The following TBX3 variants were observed in gnomAD, a reference collection of about 807,000 sequenced individuals.
TBX3 encodes the protein T-box transcription factor 3.
In TBX3, 11 loss-of-function variants were observed where a neutral mutation model predicts 47.8. The observed-to-expected ratio is 0.23, with a 90% confidence interval of 0.14 to 0.38. TBX3 has a LOEUF of 0.38. Ranked by LOEUF, TBX3 falls within the 10% of genes least tolerant of loss-of-function variation. TBX3 has a pLI of 1.00. For missense variants in TBX3, 927 were observed against 1,022.8 expected (o/e 0.91, Z 1.28); for synonymous variants, 500 against 449.3 (o/e 1.11, Z -1.43).
At chr12:114,677,237 T>C (rs527718637) in intron 4 of TBX3, among the ~76,000 whole-genome samples, 3 of 152,310 alleles carry the variant, frequency 2.0e-5, no homozygotes, top group Non-Finnish European at 2.9e-5. Flanking sequence ...TTGCAAAAAT[T>C]CCCAAGTATT....
At chr12:114,672,649 ATATGCTGCACACAGTG>A (rs1868502042) in intron 6 of TBX3, among the ~76,000 whole-genome samples, 2 of 152,068 alleles carry the variant, frequency 1.3e-5, no homozygotes, top group African/African-American at 4.8e-5. Context: ...AAAGCCTGCA[ATATGCTGCACACAGTG>A]TGTGCAGCCC....
At chr12:114,675,365 C>T (rs1028414103) in intron 5 of TBX3, among the ~76,000 whole-genome samples, 6 of 152,180 alleles carry the variant, frequency 3.9e-5, no homozygotes, top group African/African-American at 1.4e-4. Flanking sequence ...TTGATAATGG[C>T]AGAACGGACA....
intron 3 of TBX3, among the ~76,000 whole-genome samples, chr12:114,678,436 G>A (rs181466274): frequency 7.2e-5 from 11 of 152,286 alleles, no homozygotes; most frequent in Non-Finnish European, 1.5e-4. Context: ...TATATACACA[G>A]AGTTACTCAG....
chr12:114,673,889 AAAGT>A (rs1310585356), intron 6 of TBX3, among the ~76,000 whole-genome samples: 1 of 152,226 alleles, frequency 6.6e-6, no homozygotes, highest in South Asian at 2.1e-4. Context: ...AGAATGCCTG[AAAGT>A]AAGTGCTGTG....
In TBX3 at chr12:114,682,874, A is replaced by G; in HGVS notation, c.327T>C (p.Ala109=). The G allele has an allele frequency of 6.2e-7, 1 of 1,614,206 alleles. No individual in the cohort carries two copies. Among genetic ancestry groups the G allele is most frequent in the Non-Finnish European group, 8.5e-7 (1 of 1,180,022 alleles). ...TGTGAAACTGATCCCAAAGTTCTTT[A>G]GCCTCCAGGTGCACCTTGGGGTCGT... ...VEDDPKVHLE[A]KELWDQFHKR... Residue 109 remains alanine, a synonymous_variant, in exon 1 of 7, where the codon GCT becomes GCC. Coordinates refer to ENST00000349155, the MANE Select transcript of TBX3 (RefSeq NM_005996.4).
At chr12:114,681,427 AT>A (rs1004398646) in intron 1 of TBX3, among the ~76,000 whole-genome samples, 1 of 150,000 alleles carries the variant, frequency 6.7e-6, no homozygotes, top group South Asian at 2.1e-4. Flanking sequence ...TTTCTTCAAT[AT>A]TTTTTTTGTC....
At position 114,671,419 on chromosome 12, in the gene TBX3, G is replaced by A. The variant is rs1868416044; in HGVS notation, c.*422C>T. The stretch of plus-strand genomic sequence containing the variant: ...TCATGTTAATGTGTTCACTTGTCCC[G>A]ATTTTTTTTTTGAAAGATTTTGTTT... On this transcript the variant is annotated 3_prime_UTR_variant, in exon 7 of 7. Coordinates refer to ENST00000349155, the MANE Select transcript of TBX3 (RefSeq NM_005996.4). 3.4e-6 allele frequency: 1 copy of A among 295,688 alleles called. No homozygotes were observed. Among genetic ancestry groups the A allele is most frequent in the Admixed American group, 4.6e-5 (1 of 21,616 alleles). The allele number at this position is 295,688 out of a possible 1,614,324, so 18.3% of individuals were successfully genotyped here.
chr12:114,673,494 G>A (rs1274408453), intron 6 of TBX3, among the ~76,000 whole-genome samples: 1 of 152,110 alleles, frequency 6.6e-6, no homozygotes, highest in East Asian at 1.9e-4. Flanking sequence ...TTAACCCTTC[G>A]AGGAATAGGC....
At position 114,674,801 on chromosome 12, in the gene TBX3, C is replaced by CTCGGCG; in HGVS notation, c.1068_1073dup (p.Asp356_Ala357dup). The CTCGGCG allele has an allele frequency of 6.3e-7, 1 of 1,579,496 alleles. No individual in the cohort carries two copies. Among genetic ancestry groups the CTCGGCG allele is most frequent in the Non-Finnish European group, 8.6e-7 (1 of 1,168,558 alleles). On this transcript the variant is annotated inframe_insertion, in exon 6 of 7. Transcript: ENST00000349155. ...GGCCATGCTCCTCTTTGCTCTCGGCCTCGGCGTCGCTCTCACCCTCGCTGG... is the reference window on the plus strand; with the variant it reads ...GGCCATGCTCCTCTTTGCTCTCGGCCTCGGCGTCGGCGTCGCTCTCACCCTCGCTGG...
chr12:114,671,833 G>A lies in TBX3; in HGVS notation c.*8C>T, dbSNP rs1354561675. The A allele has an allele frequency of 1.9e-6, 3 of 1,552,886 alleles. No individual in the cohort carries two copies. Among genetic ancestry groups the A allele is most frequent in the African/African-American group, 1.4e-5 (1 of 73,362 alleles). On this transcript the variant is annotated 3_prime_UTR_variant, in exon 7 of 7. Coordinates refer to ENST00000349155, the MANE Select transcript of TBX3 (RefSeq NM_005996.4). ...GGACTGGAATGAAAAGACGTGTCTG[G>A]GACGGGTCTACGGGGACGCGCTGCG...
In TBX3 at chr12:114,683,464, G is replaced by A. The variant is rs1394430026; in HGVS notation, c.-264C>T. On this transcript the variant is annotated 5_prime_UTR_variant, in exon 1 of 7. In the 5' UTR this introduces an upstream ATG that the reference lacks. Coordinates refer to ENST00000349155, the MANE Select transcript of TBX3 (RefSeq NM_005996.4). The surrounding 1 kb of genome is among the most constrained non-coding windows in gnomAD (Gnocchi z 7.7). ...AGCAAACATAGTCGCGCGGGTGACC[G>A]TCCTTGTGCCTTGCGTTTTTAAAAA... 1.2e-5 allele frequency: 6 copies of A among 490,112 alleles called. No individual in the cohort carries two copies. The highest frequency in any genetic ancestry group is 6.6e-5 in the South Asian group (2 of 30,368). 30.4% of individuals were successfully genotyped at this position (490,112 alleles called of 1,614,324 possible). A position where few individuals can be genotyped will look rare whatever the true frequency, so the allele number is the denominator to read the frequency against.
chr12:114,679,291 C>T (rs1405986289), intron 3 of TBX3, among the ~76,000 whole-genome samples: 4 of 152,030 alleles, frequency 2.6e-5, no homozygotes, highest in Non-Finnish European at 2.9e-5. Flanking sequence ...ATTAGTATGG[C>T]GTTTTTTTGC....
intron 6 of TBX3, 141 bp downstream of exon 6, chr12:114,674,019 GAGCTA>G (rs1868574012): frequency 2.7e-6 from 3 of 1,108,402 alleles, no homozygotes; most frequent in Non-Finnish European, 3.8e-6. Context: ...ATAACTCCAT[GAGCTA>G]AGCCTTGAAC....
chr12:114,671,549 C>CT lies in TBX3; in HGVS notation c.*291dup. On this transcript the variant is annotated 3_prime_UTR_variant, in exon 7 of 7. Coordinates refer to ENST00000349155, the MANE Select transcript of TBX3 (RefSeq NM_005996.4). ...CTGGTGGGCAGAGACCCAGACCAGC[C>CT]TTGCTGGAAGTTGCTCTGGACATAA... 1.9e-6 allele frequency: 1 copy of CT among 523,048 alleles called. No homozygotes were observed. Among genetic ancestry groups the CT allele is most frequent in the East Asian group, 3.3e-5 (1 of 30,404 alleles). 32.4% of individuals were successfully genotyped at this position (523,048 alleles called of 1,614,324 possible).
intron 4 of TBX3, 96 bp from the exon 5 acceptor site, chr12:114,676,566 C>T (rs1868720850): frequency 4.0e-6 from 6 of 1,505,282 alleles, no homozygotes; most frequent in Non-Finnish European, 5.5e-6. Flanking sequence ...ACATACCTCA[C>T]ACCCTGCCTG....
At position 114,684,109 on chromosome 12, in the gene TBX3, G is replaced by A. The variant is rs527781972; in HGVS notation, c.-909C>T. On this transcript the variant is annotated 5_prime_UTR_variant, in exon 1 of 7. Coordinates refer to ENST00000349155, the MANE Select transcript of TBX3 (RefSeq NM_005996.4). Reference sequence around the variant, plus strand: ...GAGAGAGAGAGACGGAGTCGGAGAGGGAGGGAGCGAGAGAAAGCGAGAGCT... The same window carrying A: ...GAGAGAGAGAGACGGAGTCGGAGAGAGAGGGAGCGAGAGAAAGCGAGAGCT... The A allele has an allele frequency of 7.5e-5, 17 of 227,644 alleles. No individual in the cohort carries two copies. The South Asian group carries it at 3.0e-3, about 40-fold the overall frequency. The allele number at this position is 227,644 out of a possible 1,614,324, so 14.1% of individuals were successfully genotyped here.
intron 3 of TBX3, 75 bp from the exon 4 acceptor site, chr12:114,677,731 C>A: frequency 7.2e-7 from 1 of 1,386,678 alleles, no homozygotes; most frequent in Non-Finnish European, 1.0e-6. Flanking sequence ...TTTTTCCCAA[C>A]TCAACAAGTC....
In TBX3 at chr12:114,684,071, GGA is replaced by G. The variant is rs57078153; in HGVS notation, c.-873_-872del. 2,801 of 220,096 alleles carry G rather than the reference GGA, an allele frequency of 0.013. 21 individuals are homozygous for G. Among genetic ancestry groups the G allele is most frequent in the South Asian group, 0.053 (275 of 5,232 alleles). The allele number at this position is 220,096 out of a possible 1,614,324, so 13.6% of individuals were successfully genotyped here. ...TGGAACAGAGGGAAAGAGAGGGAGGGGAGAGAGAGAGAGAGAGAGAGAGACGG... is the reference window on the plus strand; with the variant it reads ...TGGAACAGAGGGAAAGAGAGGGAGGGGAGAGAGAGAGAGAGAGAGAGACGG... On this transcript the variant is annotated 5_prime_UTR_variant, in exon 1 of 7. Coordinates refer to ENST00000349155, the MANE Select transcript of TBX3 (RefSeq NM_005996.4).
At position 114,672,082 on chromosome 12, in the gene TBX3, G is replaced by A. The variant is rs762342872; in HGVS notation, c.1931C>T (p.Ala644Val). ...GCCGTCCAGGGGCCCCGCGGCCGCCGCCATGGAGGGCAGGGCGGTGGTGAG... is the reference window on the plus strand; with the variant it reads ...GCCGTCCAGGGGCCCCGCGGCCGCCACCATGGAGGGCAGGGCGGTGGTGAG... ...SLLTTALPSM[A>V]AAAGPLDGKV... Residue 644 changes from alanine (A) to valine (V), a missense_variant, in exon 7 of 7, where the codon GCG becomes GTG. Coordinates refer to ENST00000349155, the MANE Select transcript of TBX3 (RefSeq NM_005996.4). 5.6e-5 allele frequency: 87 copies of A among 1,567,274 alleles called. No individual in the cohort carries two copies. Among genetic ancestry groups the A allele is most frequent in the South Asian group, 3.7e-4 (32 of 85,440 alleles).
Sources: gnomAD v4.1 joint callset for allele counts (sites outside exome capture counted in the v4.1 genomes callset) on GRCh38, gnomAD v4.1.1 for gene constraint, Gnocchi (gnomAD v3.1) non-coding constraint, MANE v1.5 for transcripts, NCBI Gene and HGNC (gene_info 2026-07-23, HGNC 2026-07-21) for gene names.